BRCA1: variants seen among roughly 807,000 people sequenced by gnomAD.
BRCA1 encodes the protein BRCA1 DNA repair associated, also known as breast cancer type 1 susceptibility protein.
A neutral mutation model predicts 173.7 loss-of-function variants in BRCA1; 140 were observed. That is an observed-to-expected ratio of 0.81 (90% CI 0.70 to 0.93). BRCA1 has a LOEUF of 0.93. Among genes scored for constraint, BRCA1 ranks in the 40% least tolerant of loss-of-function variants. The pLI is 0.00. For missense variants in BRCA1, 1,983 were observed against 2,172.5 expected, an observed-to-expected ratio of 0.91 and a Z score of 1.73; for synonymous variants, 662 against 756.0, an observed-to-expected ratio of 0.88 and a Z score of 2.04.
rs1426388214 is a variant in BRCA1 at position 43,045,723 on chromosome 17, C to T, written c.5547G>A (p.Glu1849=). The T allele has an allele frequency of 1.2e-6, 2 of 1,613,952 alleles. No homozygotes were observed. The highest frequency in any genetic ancestry group is 1.1e-5 in the South Asian group (1 of 91,036). Residue 1849 remains glutamate (E), a synonymous_variant, in exon 23 of 23, where the codon GAG becomes GAA. Coordinates refer to ENST00000357654, the MANE Select transcript of BRCA1 (RefSeq NM_007294.4). ...LDSVALYQCQ[E]LDTYLIPQIP... ...TCTGGGGTATCAGGTAGGTGTCCAG[C>T]TCCTGGCACTGGTAGAGTGCTACAC...
intron 10 of BRCA1, 102 bp downstream of exon 10, chr17:43,091,333 A>T: frequency 6.9e-7 from 1 of 1,457,090 alleles, no homozygotes; most frequent in Non-Finnish European, 9.6e-7. Flanking sequence ...CAGTTCCTTT[A>T]ACTATACTTG....
intron 14 of BRCA1, among the ~76,000 whole-genome samples, chr17:43,072,402 G>A (rs926247384): frequency 3.3e-5 from 5 of 151,636 alleles, no homozygotes; most frequent in Non-Finnish European, 5.9e-5. Flanking sequence ...AAAAGAGTAC[G>A]GGTAATATTT....
At chr17:43,143,029 T>C (rs893331477) in intron 1 of BRCA1, among the ~76,000 whole-genome samples, 2 of 149,936 alleles carry the variant, frequency 1.3e-5, no homozygotes, top group African/African-American at 4.9e-5. Context: ...TATGTATATA[T>C]GTGTGTATAT....
chr17:43,070,385 C>T (rs1428000174), intron 15 of BRCA1, among the ~76,000 whole-genome samples: 1 of 152,096 alleles, frequency 6.6e-6, no homozygotes, highest in Non-Finnish European at 1.5e-5. Context: ...CAGTATGAAG[C>T]AATTCCCATT....
chr17:43,105,300 C>T (rs564536706), intron 4 of BRCA1, among the ~76,000 whole-genome samples: 1 of 152,232 alleles, frequency 6.6e-6, no homozygotes, highest in East Asian at 1.9e-4. Flanking sequence ...CATGCAGTGC[C>T]ACAATCATAG....
chr17:43,149,357 C>T (rs1486564838), intron 1 of BRCA1, among the ~76,000 whole-genome samples: 2 of 151,860 alleles, frequency 1.3e-5, no homozygotes, highest in Non-Finnish European at 2.9e-5. Context: ...ACCTTGGCCT[C>T]CCAAAGTGCT....
intron 12 of BRCA1, among the ~76,000 whole-genome samples, chr17:43,081,492 G>A (rs889011551): frequency 4.6e-5 from 7 of 152,152 alleles, no homozygotes; most frequent in East Asian, 3.9e-4. Context: ...ACTGTGGAAC[G>A]GGGTGCTGAA....
intron 2 of BRCA1, among the ~76,000 whole-genome samples, chr17:43,117,665 G>C (rs930326276): frequency 3.3e-5 from 5 of 152,010 alleles, no homozygotes; most frequent in African/African-American, 7.3e-5. Context: ...CTTGAACCGG[G>C]GAAGTGCACG....
At chr17:43,106,625 C>G (rs2054804034) in intron 3 of BRCA1, 92 bp from the exon 4 acceptor site, 1 of 939,116 alleles carries the variant, frequency 1.1e-6, no homozygotes, top group Non-Finnish European at 1.7e-6. Context: ...AAGATAATCT[C>G]ACAACTGCCC....
intron 7 of BRCA1, among the ~76,000 whole-genome samples, chr17:43,098,656 C>T (rs919914789): frequency 6.0e-5 from 8 of 133,176 alleles, no homozygotes; most frequent in African/African-American, 1.8e-4. Context: ...CATGAGCCAC[C>T]GCACCGGCCA....
At chr17:43,123,081 A>G (rs143849355) in intron 2 of BRCA1, among the ~76,000 whole-genome samples, 324 of 151,652 alleles carry the variant, frequency 2.1e-3, no homozygotes, top group Non-Finnish European at 3.7e-3. Context: ...AAATACAAAA[A>G]TTAGCTGGGC....
At chr17:43,117,311 G>A (rs566625653) in intron 2 of BRCA1, among the ~76,000 whole-genome samples, 5 of 152,182 alleles carry the variant, frequency 3.3e-5, no homozygotes, top group East Asian at 1.9e-4. Flanking sequence ...GCGTGGTGGC[G>A]CATGCCTGTG....
intron 3 of BRCA1, among the ~76,000 whole-genome samples, chr17:43,110,978 G>A (rs527323270): frequency 1.3e-5 from 2 of 151,926 alleles, no homozygotes; most frequent in African/African-American, 2.4e-5. Flanking sequence ...GTGCACGCCT[G>A]TAATCCCAGC....
intron 11 of BRCA1, 131 bp from the exon 12 acceptor site, chr17:43,082,706 C>T: frequency 1.0e-6 from 1 of 966,926 alleles, no homozygotes; most frequent in South Asian, 1.4e-5. Flanking sequence ...CAAGTTCTAG[C>T]TGAACACCTT....
intron 3 of BRCA1, among the ~76,000 whole-genome samples, chr17:43,111,533 A>G (rs967354480): frequency 6.9e-6 from 1 of 145,638 alleles, no homozygotes; most frequent in African/African-American, 2.6e-5. Flanking sequence ...ACAAAACAAA[A>G]AAAAACAGCC....
intron 1 of BRCA1, among the ~76,000 whole-genome samples, chr17:43,165,500 A>C (rs1327148392): frequency 6.7e-6 from 1 of 150,160 alleles, no homozygotes; most frequent in Non-Finnish European, 1.5e-5. Context: ...TTTTTTCAAC[A>C]GTTTTACATT....
rs387906563 is a variant in BRCA1, at chr17:43,094,706, G to GCCACATGGCT, written c.815_824dup (p.Thr276AlafsTer14). On this transcript the variant is annotated frameshift_variant, in exon 10 of 23. Transcript: ENST00000357654. LOFTEE classifies it high-confidence loss of function. Reference sequence around the variant, plus strand: ...GTAATGAGCTGGCATGAGTATTTGTGCCACATGGCTCCACATGCAAGTTTG... The same window carrying GCCACATGGCT: ...GTAATGAGCTGGCATGAGTATTTGTGCCACATGGCTCCACATGGCTCCACATGCAAGTTTG... 9 of 1,612,180 alleles carry GCCACATGGCT rather than the reference G, an allele frequency of 5.6e-6. No homozygotes were observed. In the African/African-American group the frequency reaches 6.7e-5, roughly 12 times the overall value.
At chr17:43,062,023 T>G (rs1421449208) in intron 18 of BRCA1, among the ~76,000 whole-genome samples, 1 of 152,220 alleles carries the variant, frequency 6.6e-6, no homozygotes, top group African/African-American at 2.4e-5. Context: ...GTGCAACATC[T>G]TTTTGAAGCA....
chr17:43,143,659 A>T (rs1268517687), intron 1 of BRCA1, among the ~76,000 whole-genome samples: 3 of 151,854 alleles, frequency 2.0e-5, no homozygotes, highest in African/African-American at 7.3e-5. Flanking sequence ...TTTTTTGAAG[A>T]TGGAGTGGAG....
Sources: gnomAD v4.1 joint callset for allele counts (sites outside exome capture counted in the v4.1 genomes callset) on GRCh38, gnomAD v4.1.1 for gene constraint, MANE v1.5 for transcripts, NCBI Gene and HGNC (gene_info 2026-07-23, HGNC 2026-07-21) for gene names.